The following PDZD4 variants were observed in gnomAD, a reference collection of about 807,000 sequenced individuals.
PDZD4 encodes PDZ domain containing 4, also known as PDZ domain-containing protein 4.
In PDZD4, 9 loss-of-function variants were observed where a neutral mutation model predicts 38.5. The observed-to-expected ratio is 0.23, with a 90% CI of 0.14 to 0.41. The LOEUF (loss-of-function observed/expected upper bound fraction) is 0.41, where lower values mean the gene tolerates loss of function less well. PDZD4 is among the 10% of genes least tolerant of loss of function. The pLI, the probability that PDZD4 is intolerant of heterozygous loss-of-function variation, is 1.00. For synonymous variants in PDZD4, 349 were observed against 315.7 expected (o/e 1.11, Z -1.12); for missense variants, 612 against 722.0 (o/e 0.85, Z 1.75).
In PDZD4 at chrX:153,830,439, G is replaced by T. The variant is rs1157367898; in HGVS notation, c.-141C>A. ...GCGGGCCGCCTAGCGGGGGAGGGGG[G>T]CACGCCCCCGAGGTGGGGGCAGCGG... On this transcript the variant is annotated 5_prime_UTR_variant, in exon 1 of 8. Coordinates refer to ENST00000393758, the MANE Select transcript of PDZD4 (RefSeq NM_001303512.2). 6.8e-6 allele frequency: 3 copies of T among 438,670 alleles called. No homozygotes were observed. Among genetic ancestry groups the T allele is most frequent in the Non-Finnish European group, 1.1e-5 (3 of 261,772 alleles). The allele number at this position is 438,670 out of a possible 1,213,427, so 36.2% of individuals were successfully genotyped here. A position where few individuals can be genotyped will look rare whatever the true frequency, so the allele number is the denominator to read the frequency against.
At chrX:153,814,955 T>C (rs2064346708) in intron 1 of PDZD4, among the ~76,000 whole-genome samples, 1 of 112,495 alleles carries the variant, frequency 8.9e-6, no homozygotes, top group African/African-American at 3.2e-5. Flanking sequence ...AATTTTCGCA[T>C]TTCCTTTCAA....
Position 153,830,301 on chromosome X carries a change from T to C in PDZD4, c.-3A>G, listed in dbSNP as rs1443679065. On this transcript the variant is annotated 5_prime_UTR_variant, in exon 1 of 8. Transcript: ENST00000393758. ...ACCACGCACATATTACATCCCATGT[T>C]GCTGGCCGGCGAGAGGAGGCGGAGG... 1.3e-5 allele frequency: 16 copies of C among 1,197,714 alleles called. No homozygotes were observed. Among genetic ancestry groups the C allele is most frequent in the Non-Finnish European group, 1.8e-5 (16 of 889,102 alleles).
In PDZD4 at chrX:153,804,604, C is replaced by A. The variant is rs1439732802; in HGVS notation, c.1077G>T (p.Glu359Asp). The A allele has an allele frequency of 8.3e-7, 1 of 1,208,436 alleles. No homozygotes were observed. Among genetic ancestry groups the A allele is most frequent in the Non-Finnish European group, 1.1e-6 (1 of 895,189 alleles). Reference protein sequence around the residue: ...GGDVPGLTDEEYERYRELLEI... With the variant: ...GGDVPGLTDEDYERYRELLEI... ...CCAGGAGCTCACGGTAGCGCTCATA[C>A]TCCTCATCCGTGAGGCCCGGGACGT... Residue 359 changes from glutamate to aspartate, a missense_variant, in exon 8 of 8, where the codon GAG becomes GAT. Around this residue, in one of 3 missense-constraint regions of PDZD4, gnomAD observed 300 missense variants for 284.6 expected, o/e 1.05. Transcript: ENST00000393758.
In PDZD4 at chrX:153,804,030, G is replaced by A; in HGVS notation, c.1651C>T (p.Arg551Cys). Reference protein sequence around the residue: ...EAGRRQHAEERGRRNPKTGLT... With the variant: ...EAGRRQHAEECGRRNPKTGLT... ...CCCGTCTTGGGGTTGCGGCGGCCGCGCTCCTCCGCGTGCTGCCTCCGGCCG... is the reference window on the plus strand; with the variant it reads ...CCCGTCTTGGGGTTGCGGCGGCCGCACTCCTCCGCGTGCTGCCTCCGGCCG... Residue 551 changes from arginine (R) to cysteine (C), a missense_variant, in exon 8 of 8, where the codon CGC becomes TGC. Coordinates refer to ENST00000393758, the MANE Select transcript of PDZD4 (RefSeq NM_001303512.2). The A allele has an allele frequency of 4.3e-6, 5 of 1,157,918 alleles. No homozygotes were observed. The highest frequency in any genetic ancestry group is 5.7e-6 in the Non-Finnish European group (5 of 870,815).
At chrX:153,818,289 G>A (rs1011376186) in intron 1 of PDZD4, among the ~76,000 whole-genome samples, 4 of 109,165 alleles carry the variant, frequency 3.7e-5, no homozygotes, top group Non-Finnish European at 7.6e-5. Flanking sequence ...GTGGTGTCTC[G>A]CTCCTGTAGC....
In PDZD4 at chrX:153,804,560, T is replaced by C. The variant is rs1055491821; in HGVS notation, c.1121A>G (p.Glu374Gly). 2 of 1,209,823 alleles carry C rather than the reference T, an allele frequency of 1.7e-6. No individual in the cohort carries two copies. Among genetic ancestry groups the C allele is most frequent in the Non-Finnish European group, 2.2e-6 (2 of 895,399 alleles). Residue 374 changes from glutamate to glycine, a missense_variant, in exon 8 of 8, where the codon GAG becomes GGG. Glu to Gly is a moderately conservative substitution (Grantham distance 98, BLOSUM62 -2). Around this residue, in one of 3 missense-constraint regions of PDZD4, gnomAD observed 300 missense variants for 284.6 expected, o/e 1.05. Transcript: ENST00000393758. ...RELLEIKCHL[E>G]NGNQLGLLFP... ...GAGGAGGCCCAGCTGGTTGCCGTTCTCCAGGTGGCACTTGATCTCCAGGAG... is the reference window on the plus strand; with the variant it reads ...GAGGAGGCCCAGCTGGTTGCCGTTCCCCAGGTGGCACTTGATCTCCAGGAG...
chrX:153,823,727 G>A (rs1171562555), intron 1 of PDZD4, among the ~76,000 whole-genome samples: 1 of 112,260 alleles, frequency 8.9e-6, no homozygotes, highest in Non-Finnish European at 1.9e-5. Flanking sequence ...GATCCCGGGG[G>A]ACACACCATC....
chrX:153,803,970 G>T lies in PDZD4; in HGVS notation c.1711C>A (p.Pro571Thr). The T allele has an allele frequency of 8.6e-7, 1 of 1,162,038 alleles. No individual in the cohort carries two copies. Among genetic ancestry groups the T allele is most frequent in the African/African-American group, 1.8e-5 (1 of 56,317 alleles). ...CCGCGGTGGCGCCGCGAGAGGTAAG[G>T]GCTGCTTTCAGGGCCCACACGCTCC... ...TLERVGPESS[P>T]YLSRRHRGQG... Residue 571 changes from proline to threonine, a missense_variant, in exon 8 of 8, where the codon CCT (proline) becomes ACT (threonine). Physicochemically the swap from Pro to Thr is conservative, Grantham distance 38. Transcript: ENST00000393758.
At chrX:153,816,637 T>G (rs1166922036) in intron 1 of PDZD4, among the ~76,000 whole-genome samples, 2 of 111,167 alleles carry the variant, frequency 1.8e-5, no homozygotes, top group Non-Finnish European at 3.8e-5. Flanking sequence ...GGGGCTTGGT[T>G]GGAAGGTGGG....
At chrX:153,810,143 C>A (rs1474469205) in intron 1 of PDZD4, among the ~76,000 whole-genome samples, 2 of 112,810 alleles carry the variant, frequency 1.8e-5, no homozygotes, top group African/African-American at 6.4e-5. Flanking sequence ...GGAAGCACTT[C>A]TAGGAGGAGG....
intron 1 of PDZD4, among the ~76,000 whole-genome samples, chrX:153,821,459 T>TA (rs112090088): frequency 0.022 from 2,130 of 97,919 alleles, 27 homozygotes; most frequent in African/African-American, 0.044. Context: ...CCTCTATTTG[T>TA]AAAAAAAAAA....
intron 1 of PDZD4, among the ~76,000 whole-genome samples, chrX:153,825,411 C>A (rs2064471020): frequency 8.9e-6 from 1 of 112,238 alleles, no homozygotes; most frequent in Non-Finnish European, 1.9e-5. Flanking sequence ...GACAAGGGGG[C>A]CTGGTGGCAG....
intron 1 of PDZD4, among the ~76,000 whole-genome samples, chrX:153,824,663 C>T (rs781890965): frequency 4.3e-4 from 48 of 111,792 alleles, no homozygotes; most frequent in Non-Finnish European, 7.7e-4. Context: ...TTCTCTCCCC[C>T]GCAGTTGCCT....
chrX:153,819,342 G>C (rs1390149916), intron 1 of PDZD4, among the ~76,000 whole-genome samples: 1 of 113,161 alleles, frequency 8.8e-6, no homozygotes, highest in Non-Finnish European at 1.9e-5. Context: ...TCTCTGGGAA[G>C]CCGAGAAGAG....
At chrX:153,811,441 G>A (rs1009260189) in intron 1 of PDZD4, among the ~76,000 whole-genome samples, 3 of 112,194 alleles carry the variant, frequency 2.7e-5, no homozygotes, top group East Asian at 2.8e-4. Context: ...CTGGCCATGC[G>A]GCCTGTTTCC....
chrX:153,804,042 G>A lies in PDZD4; in HGVS notation c.1639C>T (p.His547Tyr), dbSNP rs1642450466. 2.6e-6 allele frequency: 3 copies of A among 1,157,900 alleles called. No homozygotes were observed. Among genetic ancestry groups the A allele is most frequent in the Non-Finnish European group, 3.4e-6 (3 of 871,242 alleles). ...SRDPEAGRRQ[H>Y]AEERGRRNPK... ...TTGCGGCGGCCGCGCTCCTCCGCGT[G>A]CTGCCTCCGGCCGGCCTCAGGATCC... The change falls in exon 8 of 8, where the codon CAC (histidine) becomes TAC (tyrosine). Residue 547 changes from histidine (H) to tyrosine (Y), a missense_variant. Around this residue, in one of 3 missense-constraint regions of PDZD4, gnomAD observed 300 missense variants for 284.6 expected, o/e 1.05. Coordinates refer to ENST00000393758, the MANE Select transcript of PDZD4 (RefSeq NM_001303512.2).
At chrX:153,820,629 AT>A (rs1429566282) in intron 1 of PDZD4, among the ~76,000 whole-genome samples, 6 of 111,889 alleles carry the variant, frequency 5.4e-5, no homozygotes, top group African/African-American at 1.3e-4. Flanking sequence ...CTAGAAAAAA[AT>A]ATATATATTT....
intron 1 of PDZD4, among the ~76,000 whole-genome samples, chrX:153,825,622 G>T (rs990248057): frequency 8.9e-6 from 1 of 112,379 alleles, no homozygotes; most frequent in Non-Finnish European, 1.9e-5. Flanking sequence ...CATGACACAC[G>T]AAAGTGCCTG....
At position 153,805,557 on chromosome X, in the gene PDZD4, CT is replaced by C; in HGVS notation, c.616del (p.Ser206AlafsTer48). The stretch of plus-strand genomic sequence containing the variant: ...GGAGATGTTGGTGTTCTCTTCCTGG[CT>C]CAGGATGGCCACCGCCTCTTCCCGG... The part of the protein sequence containing the change: ...QNREEAVAIL[S>X]QEENTNISLL... On this transcript the variant is annotated frameshift_variant, in exon 6 of 8. Coordinates refer to ENST00000393758, the MANE Select transcript of PDZD4 (RefSeq NM_001303512.2). LOFTEE classifies it high-confidence loss of function. 8.3e-7 allele frequency: 1 copy of C among 1,211,041 alleles called. No individual in the cohort carries two copies. Among genetic ancestry groups the C allele is most frequent in the Non-Finnish European group, 1.1e-6 (1 of 895,329 alleles).
Sources: allele counts gnomAD v4.1 joint callset (sites outside exome capture counted in the v4.1 genomes callset), GRCh38; gene constraint gnomAD v4.1.1; regional missense constraint gnomAD v4.1.1; transcripts MANE v1.5; gene names NCBI Gene and HGNC (gene_info 2026-07-23, HGNC 2026-07-21).